Variants in ZFHX3 observed in about 807,000 individuals in gnomAD.
The protein encoded by ZFHX3 is zinc finger homeobox 3, also known as zinc finger homeobox protein 3.
ZFHX3 carries 42 observed loss-of-function variants against 279.1 expected under a neutral mutation model. The ratio of observed to expected loss-of-function variants is 0.15; its 90% CI spans 0.12 to 0.19. ZFHX3 has a LOEUF of 0.19. Ranked by LOEUF, ZFHX3 falls within the 10% of genes least tolerant of loss-of-function variation. The pLI is 1.00. For synonymous variants in ZFHX3, 2,293 were observed against 1,957.8 expected (o/e 1.17, Z -4.52); for missense variants, 4,981 against 4,754.0 (o/e 1.05, Z -1.40).
At chr16:73,038,127 T>C (rs149649381) in intron 1 of ZFHX3, among the ~76,000 whole-genome samples, 4 of 152,276 alleles carry the variant, frequency 2.6e-5, no homozygotes, top group East Asian at 3.9e-4. Flanking sequence ...TGGACTTTCA[T>C]CCCCTTGTCC....
intron 1 of ZFHX3, among the ~76,000 whole-genome samples, chr16:72,998,421 A>C (rs1963369279): frequency 6.6e-6 from 1 of 152,180 alleles, no homozygotes. Flanking sequence ...AATACTAATA[A>C]GGGGAAAAAA....
intron 2 of ZFHX3, among the ~76,000 whole-genome samples, chr16:73,613,467 G>A (rs765304261): frequency 1.3e-5 from 2 of 149,974 alleles, no homozygotes; most frequent in Admixed American, 6.6e-5. Context: ...TTTTGGATGT[G>A]AGGCAGAAGT....
chr16:73,689,515 T>C (rs992243582), intron 1 of ZFHX3, among the ~76,000 whole-genome samples: 1 of 152,024 alleles, frequency 6.6e-6, no homozygotes, highest in African/African-American at 2.4e-5. Context: ...GTGGGAAAAA[T>C]TAGACCTCTG....
intron 4 of ZFHX3, among the ~76,000 whole-genome samples, chr16:72,883,666 ATCTT>A (rs1409960072): frequency 6.6e-6 from 1 of 152,354 alleles, no homozygotes; most frequent in African/African-American, 2.4e-5. Flanking sequence ...ATTGTAAAGC[ATCTT>A]TCTAAAAAGC....
At chr16:73,806,087 A>C (rs1187197707) in intron 1 of ZFHX3, among the ~76,000 whole-genome samples, 1 of 152,250 alleles carries the variant, frequency 6.6e-6, no homozygotes, top group Non-Finnish European at 1.5e-5. Flanking sequence ...GGTGACGAGC[A>C]AAGGGGGAAG....
Position 73,748,937 on chromosome 16 carries a change from GCCA to G in ZFHX3, c.-1607-68700_-1607-68698del, listed in dbSNP as rs2053730126. Among the ~76,000 whole-genome samples the G allele has an allele frequency of 2.6e-5, 4 of 151,926 alleles. No homozygotes were observed. In the South Asian group the frequency reaches 6.2e-4, roughly 24 times the overall value. ...TGAGTAGCTGGGATGACAGGCACCTGCCACCACACCTGACTAATTTTTGTACAT... is the reference window on the plus strand; with the variant it reads ...TGAGTAGCTGGGATGACAGGCACCTGCCACACCTGACTAATTTTTGTACAT... On this transcript the variant is annotated intron_variant, in intron 1 of 17. Coordinates refer to the ZFHX3 transcript ENST00000641206.
intron 4 of ZFHX3, among the ~76,000 whole-genome samples, chr16:73,262,612 A>T (rs1446078580): frequency 6.6e-6 from 1 of 152,226 alleles, no homozygotes; most frequent in Non-Finnish European, 1.5e-5. Context: ...CCAAGGTGGC[A>T]TCATCAACCA....
At chr16:73,813,457 A>G (rs1359814652) in intron 1 of ZFHX3, among the ~76,000 whole-genome samples, 2 of 152,090 alleles carry the variant, frequency 1.3e-5, no homozygotes, top group East Asian at 1.9e-4. Flanking sequence ...GTTGAACTGC[A>G]TACTTATCAT....
In ZFHX3 at chr16:72,903,030, GT is replaced by G. The variant is rs770753973; in HGVS notation, c.3217-13069del. On this transcript the variant is annotated intron_variant, in intron 3 of 9. Coordinates refer to ENST00000268489, the MANE Select transcript of ZFHX3 (RefSeq NM_006885.4). ...CTTGAATGCAACTGCACCCAGCCCG[GT>G]ACTGCAGGAGTCTGAATTCTCACCA... 1.4e-3 allele frequency among the ~76,000 whole-genome samples: 211 copies of G among 152,280 alleles called. 2 individuals carry two copies. Among genetic ancestry groups the G allele is most frequent in the Non-Finnish European group, 6.8e-4 (46 of 68,014 alleles).
At chr16:73,095,379 T>C (rs1356642220) in intron 7 of ZFHX3, among the ~76,000 whole-genome samples, 1 of 152,036 alleles carries the variant, frequency 6.6e-6, no homozygotes, top group Non-Finnish European at 1.5e-5. Flanking sequence ...TGCTACTAGA[T>C]GGCAAAGTTC....
chr16:73,538,890 G>A (rs1448699162), intron 2 of ZFHX3, among the ~76,000 whole-genome samples: 1 of 152,180 alleles, frequency 6.6e-6, no homozygotes, highest in Non-Finnish European at 1.5e-5. Flanking sequence ...AGACTGTACA[G>A]TGACTACCTC....
chr16:73,186,234 C>T (rs760730074), intron 5 of ZFHX3, among the ~76,000 whole-genome samples: 2 of 152,048 alleles, frequency 1.3e-5, no homozygotes, highest in Non-Finnish European at 2.9e-5. Flanking sequence ...TGAATCACCC[C>T]GAAGCCATGC....
chr16:73,502,022 C>T (rs1225153076), intron 2 of ZFHX3, among the ~76,000 whole-genome samples: 4 of 150,950 alleles, frequency 2.6e-5, no homozygotes, highest in African/African-American at 9.8e-5. Context: ...AGCGGGTTGT[C>T]TCTTTTTTTT....
intron 7 of ZFHX3, among the ~76,000 whole-genome samples, chr16:72,802,013 T>C (rs1380918539): frequency 6.6e-6 from 1 of 150,486 alleles, no homozygotes; most frequent in Non-Finnish European, 1.5e-5. Context: ...AAATGAATCA[T>C]GAGAAATAAA....
At chr16:73,200,388 G>A (rs931069323) in intron 5 of ZFHX3, among the ~76,000 whole-genome samples, 3 of 151,962 alleles carry the variant, frequency 2.0e-5, no homozygotes. Context: ...TTAGAATTAT[G>A]GTGAGAATGT....
At position 73,639,397 on chromosome 16, in the gene ZFHX3, C is replaced by G. The variant is rs1175398992; in HGVS notation, c.-1547+40783G>C. Among the ~76,000 whole-genome samples, 4 of 152,254 alleles carry G rather than the reference C, an allele frequency of 2.6e-5. No individual in the cohort carries two copies. The East Asian group carries it at 7.7e-4, about 29-fold the overall frequency. On this transcript the variant is annotated intron_variant, in intron 2 of 17. Transcript: ENST00000641206. ...TTGTCCACAAATAGAAAATTCCAAACCAAGAATCTCTAAACCATGGGTTTA... is the reference window on the plus strand; with the variant it reads ...TTGTCCACAAATAGAAAATTCCAAAGCAAGAATCTCTAAACCATGGGTTTA...
chr16:73,638,745 T>C (rs766094988), intron 2 of ZFHX3, among the ~76,000 whole-genome samples: 6 of 152,182 alleles, frequency 3.9e-5, no homozygotes, highest in Non-Finnish European at 7.4e-5. Flanking sequence ...ACATCCCTAT[T>C]ACAAAGCACA....
intron 4 of ZFHX3, among the ~76,000 whole-genome samples, chr16:73,286,195 C>T (rs1330499804): frequency 6.6e-6 from 1 of 152,026 alleles, no homozygotes; most frequent in East Asian, 1.9e-4. Flanking sequence ...ATGCCCCTCT[C>T]CCCCTCCTCC....
At chr16:73,655,890 T>G (rs2052716981) in intron 2 of ZFHX3, among the ~76,000 whole-genome samples, 1 of 152,218 alleles carries the variant, frequency 6.6e-6, no homozygotes, top group South Asian at 2.1e-4. Context: ...GAGAAATTAT[T>G]GTACATTTGC....
Sources: gnomAD v4.1 joint callset for allele counts (sites outside exome capture counted in the v4.1 genomes callset) on GRCh38, gnomAD v4.1.1 for gene constraint, MANE v1.5 for transcripts, NCBI Gene and HGNC (gene_info 2026-07-23, HGNC 2026-07-21) for gene names.